The following TMEM132B variants were observed in gnomAD, a reference collection of about 807,000 sequenced individuals.
TMEM132B encodes the protein transmembrane protein 132B.
In TMEM132B, 18 loss-of-function variants were observed where a neutral mutation model predicts 90.8. The ratio of observed to expected loss-of-function variants is 0.20; its 90% CI spans 0.14 to 0.29. The LOEUF (loss-of-function observed/expected upper bound fraction) is 0.29, where lower values mean the gene tolerates loss of function less well. TMEM132B is among the 10% of genes least tolerant of loss of function. The pLI is 1.00. For synonymous variants in TMEM132B, 504 were observed against 523.3 expected (o/e 0.96, Z 0.50); for missense variants, 1,096 against 1,326.8 (o/e 0.83, Z 2.70).
At chr12:125,511,731 A>T (rs1006774488) in intron 3 of TMEM132B, among the ~76,000 whole-genome samples, 8 of 151,876 alleles carry the variant, frequency 5.3e-5, no homozygotes, top group Middle Eastern at 6.8e-3. Flanking sequence ...GGGCGCCTGT[A>T]GTCCCAGCTA....
In TMEM132B at chr12:125,659,402, A is replaced by G. The variant is rs1005174135; in HGVS notation, c.*4692A>G. On this transcript the variant is annotated 3_prime_UTR_variant, in exon 9 of 9. Coordinates refer to ENST00000682704, the MANE Select transcript of TMEM132B (RefSeq NM_001366854.1). ...TCCACCCTTTGGTCTTTGCTCGTCA[A>G]TGGCTTGGTCTTGTATATGTATCTG... 3 of 152,304 alleles carry G rather than the reference A, an allele frequency of 2.0e-5. No individual in the cohort carries two copies. Among genetic ancestry groups the G allele is most frequent in the Non-Finnish European group, 2.9e-5 (2 of 68,166 alleles). The allele number at this position is 152,304 out of a possible 1,614,324, so 9.4% of individuals were successfully genotyped here. A position where few individuals can be genotyped will look rare whatever the true frequency, so the allele number is the denominator to read the frequency against.
At chr12:125,488,064 C>T (rs910164035) in intron 3 of TMEM132B, among the ~76,000 whole-genome samples, 6 of 152,142 alleles carry the variant, frequency 3.9e-5, no homozygotes, top group African/African-American at 1.2e-4. Flanking sequence ...AGAATGAAAA[C>T]AGCTTCTATT....
At position 125,347,977 on chromosome 12, in the gene TMEM132B, A is replaced by G. The variant is rs906205689; in HGVS notation, c.68-1475A>G. On this transcript the variant is annotated intron_variant, in intron 1 of 8. Transcript: ENST00000682704. ...AAGAAAGCAGAAACATAAATGGTGAAAAACAAAAACTTTCGCCTTTGGGTT... is the reference window on the plus strand; with the variant it reads ...AAGAAAGCAGAAACATAAATGGTGAGAAACAAAAACTTTCGCCTTTGGGTT... 6.6e-5 allele frequency among the ~76,000 whole-genome samples: 10 copies of G among 152,268 alleles called. 1 individual carries two copies. The highest frequency in any genetic ancestry group is 2.4e-4 in the African/African-American group (10 of 41,472).
intron 1 of TMEM132B, among the ~76,000 whole-genome samples, chr12:125,260,988 A>C (rs1428404788): frequency 6.6e-6 from 1 of 151,912 alleles, no homozygotes; most frequent in Non-Finnish European, 1.5e-5. Context: ...ACCACCTCAA[A>C]CAACCAAATA....
intron 1 of TMEM132B, among the ~76,000 whole-genome samples, chr12:125,336,471 G>A (rs1876965176): frequency 6.6e-6 from 1 of 152,222 alleles, no homozygotes; most frequent in African/African-American, 2.4e-5. Flanking sequence ...GCCTATGCCA[G>A]CTATGACTGA....
chr12:125,323,475 C>T (rs1478469871), intron 1 of TMEM132B, among the ~76,000 whole-genome samples: 1 of 151,642 alleles, frequency 6.6e-6, no homozygotes, highest in Non-Finnish European at 1.5e-5. Flanking sequence ...CAAAGACTGG[C>T]CAAATTCTCT....
chr12:125,385,917 A>C (rs1282501420), intron 2 of TMEM132B, among the ~76,000 whole-genome samples: 1 of 152,212 alleles, frequency 6.6e-6, no homozygotes, highest in Non-Finnish European at 1.5e-5. Flanking sequence ...GAGACACAGA[A>C]ATCCTTGGTA....
intron 5 of TMEM132B, among the ~76,000 whole-genome samples, chr12:125,589,853 G>A (rs1007621796): frequency 4.6e-5 from 7 of 151,962 alleles, no homozygotes; most frequent in South Asian, 2.1e-4. Context: ...TCCAACATTA[G>A]GGATTACAAT....
chr12:125,416,425 C>G (rs1880016299), intron 3 of TMEM132B, among the ~76,000 whole-genome samples: 1 of 152,250 alleles, frequency 6.6e-6, no homozygotes. Flanking sequence ...GCTCGGACTC[C>G]TCAGCTGAGC....
chr12:125,370,767 GCATTGTCTGA>G (rs1878270378), intron 2 of TMEM132B, among the ~76,000 whole-genome samples: 1 of 152,190 alleles, frequency 6.6e-6, no homozygotes, highest in African/African-American at 2.4e-5. Flanking sequence ...TGAGTAATTA[GCATTGTCTGA>G]CACATGTGAG....
intron 3 of TMEM132B, among the ~76,000 whole-genome samples, chr12:125,517,327 A>ATT (rs56147854): frequency 1.1e-4 from 3 of 28,474 alleles, no homozygotes; most frequent in Non-Finnish European, 2.2e-4. Flanking sequence ...TGCCCTGCTG[A>ATT]TTTTTTTTTT....
chr12:125,308,079 T>TATATATACTTATAATACAAGTATATTAC (rs1565998363), intron 1 of TMEM132B, among the ~76,000 whole-genome samples: 9,956 of 136,514 alleles, frequency 0.073, 491 homozygotes, highest in Non-Finnish European at 0.092. Context: ...AAGTATATTA[T>TATATATACTTATAATACAAGTATATTAC]AAGTATATAT....
chr12:125,537,340 A>C (rs541895625), intron 4 of TMEM132B, among the ~76,000 whole-genome samples: 13 of 152,370 alleles, frequency 8.5e-5, no homozygotes, highest in South Asian at 8.3e-4. Context: ...CAAAAGCAAA[A>C]CGAACCAACA....
At chr12:125,595,048 TAG>T (rs1407898837) in intron 5 of TMEM132B, among the ~76,000 whole-genome samples, 4 of 133,468 alleles carry the variant, frequency 3.0e-5, no homozygotes, top group Non-Finnish European at 6.7e-5. Flanking sequence ...AGCCTTTCCT[TAG>T]AGTCAACCTC....
chr12:125,635,431 G>C (rs542503115), intron 5 of TMEM132B, among the ~76,000 whole-genome samples: 140 of 152,226 alleles, frequency 9.2e-4, no homozygotes, highest in Admixed American at 2.6e-3. Context: ...TGAGAATGAT[G>C]GTTTCTAGCT....
In TMEM132B at chr12:125,243,136, C is replaced by T. The variant is rs200224690; in HGVS notation, c.67+56270C>T. 9.0e-3 allele frequency among the ~76,000 whole-genome samples: 1,223 copies of T among 136,132 alleles called. 15 individuals are homozygous for T. The highest frequency in any genetic ancestry group is 0.029 in the African/African-American group (1,053 of 36,036). 89.3% of individuals were successfully genotyped at this position (136,132 alleles called of 152,430 possible). A position where few individuals can be genotyped will look rare whatever the true frequency, so the allele number is the denominator to read the frequency against. On this transcript the variant is annotated intron_variant, in intron 1 of 8. Coordinates refer to ENST00000682704, the MANE Select transcript of TMEM132B (RefSeq NM_001366854.1). ...ATATATATATATACACACACACACA[C>T]ATATATATATATATAATTTTTTTTT...
intron 2 of TMEM132B, among the ~76,000 whole-genome samples, chr12:125,353,482 G>A (rs372285622): frequency 2.4e-4 from 36 of 152,378 alleles, no homozygotes; most frequent in African/African-American, 7.0e-4. Context: ...TTCAGGCCGG[G>A]CAGTGGCATA....
chr12:125,317,466 C>T (rs766698859), intron 1 of TMEM132B, among the ~76,000 whole-genome samples: 15 of 152,124 alleles, frequency 9.9e-5, no homozygotes, highest in Non-Finnish European at 1.5e-4. Flanking sequence ...TGGGGGTGCT[C>T]CCCTTCAGTC....
intron 1 of TMEM132B, among the ~76,000 whole-genome samples, chr12:125,299,977 C>T (rs999673219): frequency 9.2e-5 from 14 of 152,258 alleles, no homozygotes; most frequent in African/African-American, 3.1e-4. Flanking sequence ...CCAAGTCCTG[C>T]TCATGGCCTG....
Sources: gnomAD v4.1 joint callset for allele counts (sites outside exome capture counted in the v4.1 genomes callset) on GRCh38, gnomAD v4.1.1 for gene constraint, MANE v1.5 for transcripts, NCBI Gene and HGNC (gene_info 2026-07-23, HGNC 2026-07-21) for gene names.